KPNB1: variants seen among roughly 807,000 people sequenced by gnomAD.
KPNB1 encodes importin subunit beta-1.
KPNB1 carries 7 observed loss-of-function variants against 113.0 expected under a neutral mutation model. The ratio of observed to expected loss-of-function variants is 0.06; its 90% CI spans 0.04 to 0.12. The LOEUF is 0.12. KPNB1 is among the 10% of genes least tolerant of loss of function. The probability of loss-of-function intolerance (pLI) is 1.00; values close to 1 mark genes in which losing one functional copy is unlikely to be tolerated. For missense variants in KPNB1, 400 were observed against 1,054.8 expected (o/e 0.38, Z 8.60); for synonymous variants, 363 against 378.6 (o/e 0.96, Z 0.48).
At chr17:47,664,099 G>A in intron 7 of KPNB1, 60 bp from the exon 8 acceptor site, 3 of 998,144 alleles carry the variant, frequency 3.0e-6, no homozygotes, top group Admixed American at 3.9e-5. Context: ...AAGCCGGGTT[G>A]GGGCAGGGAC....
chr17:47,677,121 T>C lies in KPNB1; in HGVS notation c.2097T>C (p.Asn699=), dbSNP rs1324806007. 1.2e-6 allele frequency: 2 copies of C among 1,608,492 alleles called. No individual in the cohort carries two copies. The highest frequency in any genetic ancestry group is 1.7e-6 in the Non-Finnish European group (2 of 1,176,424). ...CDEVMQLLLE[N]LGNENVHRSV... ...AGGTGATGCAGCTGCTTCTGGAAAA[T>C]TTGGGGGTGAGTATCTACACACAAT... The change falls in exon 17 of 22, where the codon AAT becomes AAC. Residue 699 remains asparagine, a synonymous_variant. Coordinates refer to ENST00000290158, the MANE Select transcript of KPNB1 (RefSeq NM_002265.6).
At chr17:47,677,995 T>C in intron 17 of KPNB1, 51 bp from the exon 18 acceptor site, 1 of 1,562,240 alleles carries the variant, frequency 6.4e-7, no homozygotes, top group East Asian at 2.2e-5. Context: ...CATGAATCTT[T>C]GGACCAAACA....
intron 2 of KPNB1, among the ~76,000 whole-genome samples, chr17:47,651,595 G>T (rs984287599): frequency 6.6e-6 from 1 of 151,910 alleles, no homozygotes; most frequent in Non-Finnish European, 1.5e-5. Flanking sequence ...TTCCATTTAG[G>T]GTATTATTCC....
chr17:47,681,539 TG>T lies in KPNB1; in HGVS notation c.*-862del, dbSNP rs2030777707. Among the ~76,000 whole-genome samples, 4 of 152,014 alleles carry T rather than the reference TG, an allele frequency of 2.6e-5. No homozygotes were observed. In the South Asian group the frequency reaches 8.3e-4, roughly 32 times the overall value. Reference sequence around the variant, plus strand: ...CACCCACCTCGGCCTCCCAAAGTACTGGGATTACAGGCGTAAGCTACCATGC... The same window carrying T: ...CACCCACCTCGGCCTCCCAAAGTACTGGATTACAGGCGTAAGCTACCATGC... On this transcript the variant is annotated intron_variant, in intron 21 of 21. Transcript: ENST00000290158.
intron 2 of KPNB1, among the ~76,000 whole-genome samples, chr17:47,651,613 G>A (rs1915572883): frequency 6.6e-6 from 1 of 152,052 alleles, no homozygotes. Context: ...TCCTGTTTCT[G>A]CTTTTGCAAA....
rs1231532251 is a variant in KPNB1 at position 47,654,395 on chromosome 17, CAG to C, written c.282+1522_282+1523del. ...GCGCATTGCACTCCAGCCTGGGTGA[CAG>C]AGTGACACTCCATTTCTTAAAAAAA... On this transcript the variant is annotated intron_variant, in intron 3 of 21. Coordinates refer to ENST00000290158, the MANE Select transcript of KPNB1 (RefSeq NM_002265.6). Among the ~76,000 whole-genome samples, 3 of 131,344 alleles carry C rather than the reference CAG, an allele frequency of 2.3e-5. No homozygotes were observed. In the East Asian group the frequency reaches 6.5e-4, roughly 29 times the overall value. The allele number at this position is 131,344 out of a possible 152,430, so 86.2% of individuals were successfully genotyped here. A position where few individuals can be genotyped will look rare whatever the true frequency, so the allele number is the denominator to read the frequency against.
chr17:47,657,104 C>T (rs1198504433), intron 4 of KPNB1, 44 bp downstream of exon 4: 20 of 1,511,286 alleles, frequency 1.3e-5, no homozygotes, highest in Non-Finnish European at 1.7e-5. Flanking sequence ...CCTCTGATTG[C>T]CTCTAGCTGT....
intron 1 of KPNB1, 43 bp downstream of exon 1, chr17:47,650,327 G>T (rs1365697628): frequency 6.2e-7 from 1 of 1,611,144 alleles, no homozygotes; most frequent in Non-Finnish European, 8.5e-7. Context: ...TGATTGGGGT[G>T]GGGGAGGGGA....
chr17:47,663,772 T>A (rs1936034522), intron 7 of KPNB1, among the ~76,000 whole-genome samples: 1 of 151,574 alleles, frequency 6.6e-6, no homozygotes, highest in African/African-American at 2.4e-5. Flanking sequence ...ATCGCTTGAG[T>A]CCAGGAGTTT....
chr17:47,650,127 G>GCCCCC lies in KPNB1; in HGVS notation c.-116_-112dup. The GCCCCC allele has an allele frequency of 1.0e-5, 7 of 686,058 alleles. No homozygotes were observed. Among genetic ancestry groups the GCCCCC allele is most frequent in the South Asian group, 4.3e-5 (1 of 23,506 alleles). 42.5% of individuals were successfully genotyped at this position (686,058 alleles called of 1,614,324 possible). ...GGTGAATGGGTTTGTGGTGACCCCC[G>GCCCCC]CCCCCCACCCCACCCTCCCTTCCCA... is the stretch of plus-strand genomic sequence containing the variant. On this transcript the variant is annotated 5_prime_UTR_variant, in exon 1 of 22. Coordinates refer to ENST00000290158, the MANE Select transcript of KPNB1 (RefSeq NM_002265.6).
In KPNB1 at chr17:47,654,784, C is replaced by T. The variant is rs567567239; in HGVS notation, c.282+1908C>T. Among the ~76,000 whole-genome samples, 5 of 152,276 alleles carry T rather than the reference C, an allele frequency of 3.3e-5. No individual in the cohort carries two copies. In the East Asian group the frequency reaches 9.6e-4, roughly 29 times the overall value. The stretch of plus-strand genomic sequence containing the variant: ...GGATTCAGTGCACTCCACATATGTA[C>T]TAGGAGACTATGTAGTGTGGTGTGA... On this transcript the variant is annotated intron_variant, in intron 3 of 21. Coordinates refer to ENST00000290158, the MANE Select transcript of KPNB1 (RefSeq NM_002265.6).
chr17:47,664,396 G>T lies in KPNB1; in HGVS notation c.897+127G>T, dbSNP rs2030202049. 15 of 641,064 alleles carry T rather than the reference G, an allele frequency of 2.3e-5. No individual in the cohort carries two copies. In the South Asian group the frequency reaches 2.5e-4, roughly 11 times the overall value. The allele number at this position is 641,064 out of a possible 1,614,324, so 39.7% of individuals were successfully genotyped here. A position where few individuals can be genotyped will look rare whatever the true frequency, so the allele number is the denominator to read the frequency against. ...GGGTATCTCCATTGGCAGAGATTTT[G>T]ATTTTTCTGCTAGCCAGAGCCCTTC... On this transcript the variant is annotated intron_variant, in intron 8 of 21. Transcript: ENST00000290158.
chr17:47,661,906 T>C (rs189882533), intron 6 of KPNB1, among the ~76,000 whole-genome samples: 5 of 152,212 alleles, frequency 3.3e-5, no homozygotes, highest in African/African-American at 7.2e-5. Flanking sequence ...CACAAACAGT[T>C]AAGGGAGAAA....
rs768951422 is a variant in KPNB1 at position 47,650,196 on chromosome 17, A to G, written c.-49A>G. 1.6e-6 allele frequency: 2 copies of G among 1,266,438 alleles called. No homozygotes were observed. The highest frequency in any genetic ancestry group is 2.0e-6 in the Non-Finnish European group (2 of 983,092). 78.5% of individuals were successfully genotyped at this position (1,266,438 alleles called of 1,614,324 possible). ...TCCCCAGTTCGAGCCGCCGCCCGAAAGGCCGGGCCGTCGTCTTAGGAGGAG... is the reference window on the plus strand; with the variant it reads ...TCCCCAGTTCGAGCCGCCGCCCGAAGGGCCGGGCCGTCGTCTTAGGAGGAG... On this transcript the variant is annotated 5_prime_UTR_variant, in exon 1 of 22. Coordinates refer to ENST00000290158, the MANE Select transcript of KPNB1 (RefSeq NM_002265.6).
chr17:47,660,931 C>T (rs779421279), intron 5 of KPNB1, among the ~76,000 whole-genome samples, 188 bp from the exon 6 acceptor site: 25 of 152,160 alleles, frequency 1.6e-4, no homozygotes, highest in Non-Finnish European at 3.5e-4. Context: ...TAGCAGACAC[C>T]GAAGGTAAAC....
At chr17:47,653,927 T>C (rs941595644) in intron 3 of KPNB1, among the ~76,000 whole-genome samples, 5 of 152,212 alleles carry the variant, frequency 3.3e-5, no homozygotes, top group African/African-American at 1.2e-4. Context: ...AACAACATTT[T>C]AATTCCTTCT....
At chr17:47,682,362 A>G (rs1237409556) in intron 21 of KPNB1, 42 bp from the exon 22 acceptor site, 2 of 780,990 alleles carry the variant, frequency 2.6e-6, no homozygotes, top group Admixed American at 3.4e-5. Context: ...TGTTGGGTAT[A>G]TGTGATCTCA....
intron 21 of KPNB1, among the ~76,000 whole-genome samples, chr17:47,681,337 C>T (rs1217477369): frequency 1.3e-5 from 2 of 148,762 alleles, no homozygotes; most frequent in Non-Finnish European, 3.0e-5. Context: ...GGTGCGATCT[C>T]AGCTTATTGC....
chr17:47,670,998 A>G (rs2030427649), intron 12 of KPNB1, among the ~76,000 whole-genome samples, 166 bp downstream of exon 12: 3 of 152,238 alleles, frequency 2.0e-5, no homozygotes, highest in East Asian at 3.9e-4. Flanking sequence ...GCTCACGCCT[A>G]TATTCCCAGC....
Sources: allele counts gnomAD v4.1 joint callset (sites outside exome capture counted in the v4.1 genomes callset), GRCh38; gene constraint gnomAD v4.1.1; transcripts MANE v1.5; gene names NCBI Gene and HGNC (gene_info 2026-07-23, HGNC 2026-07-21).